DMD: variants seen among roughly 807,000 people sequenced by gnomAD.
The protein encoded by DMD is mutant dystrophin.
A neutral mutation model predicts 330.1 loss-of-function variants in DMD; 63 were observed. The observed-to-expected ratio is 0.19, with a 90% CI of 0.16 to 0.24. The LOEUF (loss-of-function observed/expected upper bound fraction) is 0.24. DMD is among the 10% of genes least tolerant of loss of function. DMD has a pLI of 1.00. For synonymous variants in DMD, 1,223 were observed against 959.8 expected, an observed-to-expected ratio of 1.27 and a Z score of -5.07; for missense variants, 3,344 against 2,684.1, an observed-to-expected ratio of 1.25 and a Z score of -5.43.
At chrX:31,184,097 T>TG (rs1348286003) in intron 67 of DMD, among the ~76,000 whole-genome samples, 1 of 110,647 alleles carries the variant, frequency 9.0e-6, no homozygotes. Flanking sequence ...TTAGTAGAGA[T>TG]GGGGTTTCAC....
intron 7 of DMD, among the ~76,000 whole-genome samples, chrX:32,731,703 T>A (rs762106171): frequency 8.9e-6 from 1 of 111,943 alleles, no homozygotes; most frequent in East Asian, 2.8e-4. Context: ...CTGAGGGTCC[T>A]GTCTGTTAGA....
chrX:32,717,675 G>T (rs1434745076), intron 7 of DMD, among the ~76,000 whole-genome samples: 3 of 110,854 alleles, frequency 2.7e-5, no homozygotes, highest in Non-Finnish European at 3.8e-5. Flanking sequence ...GCCTAGAATG[G>T]TCTCTCCAGT....
At chrX:32,905,609 T>C (rs941450063) in intron 2 of DMD, among the ~76,000 whole-genome samples, 1 of 111,742 alleles carries the variant, frequency 8.9e-6, no homozygotes, top group Non-Finnish European at 1.9e-5. Flanking sequence ...AATTGTTTGT[T>C]AGCCAGCTTA....
chrX:32,598,649 T>A (rs964273090), intron 12 of DMD, among the ~76,000 whole-genome samples: 3 of 112,290 alleles, frequency 2.7e-5, no homozygotes, highest in African/African-American at 9.7e-5. Flanking sequence ...ATGGAATGAA[T>A]CCAACTCTTA....
chrX:32,791,933 A>T (rs1280284637), intron 7 of DMD, among the ~76,000 whole-genome samples: 2 of 111,953 alleles, frequency 1.8e-5, no homozygotes, highest in Non-Finnish European at 3.8e-5. Flanking sequence ...TCCATGACAC[A>T]TTATAGCCAA....
chrX:32,554,564 C>A (rs1189529004), intron 16 of DMD, among the ~76,000 whole-genome samples: 1 of 109,072 alleles, frequency 9.2e-6, no homozygotes, highest in Non-Finnish European at 1.9e-5. Context: ...TAAGACTGAA[C>A]CATAAAGGAA....
At chrX:32,653,231 C>G (rs746219839) in intron 9 of DMD, among the ~76,000 whole-genome samples, 1 of 111,994 alleles carries the variant, frequency 8.9e-6, no homozygotes, top group South Asian at 3.7e-4. Flanking sequence ...GAAGTCCTTA[C>G]CCATGCCTAT....
chrX:32,541,523 G>T (rs769979389), intron 17 of DMD, among the ~76,000 whole-genome samples: 1 of 112,149 alleles, frequency 8.9e-6, no homozygotes, highest in South Asian at 3.7e-4. Flanking sequence ...ATTTGCCTGC[G>T]CTCATAAGCT....
intron 9 of DMD, among the ~76,000 whole-genome samples, chrX:32,650,610 G>C (rs757296771): frequency 5.4e-5 from 6 of 111,915 alleles, no homozygotes; most frequent in Non-Finnish European, 9.4e-5. Context: ...ACTATTCAAA[G>C]CATAAAAATG....
chrX:32,810,198 G>A (rs2077271878), intron 6 of DMD, among the ~76,000 whole-genome samples: 1 of 110,970 alleles, frequency 9.0e-6, no homozygotes, highest in East Asian at 2.8e-4. Flanking sequence ...TAAAGATGTG[G>A]GGAAAAAAGA....
At chrX:31,562,180 C>A (rs926086563) in intron 55 of DMD, among the ~76,000 whole-genome samples, 1 of 112,068 alleles carries the variant, frequency 8.9e-6, no homozygotes, top group Non-Finnish European at 1.9e-5. Context: ...CTGGGATGCC[C>A]AAATAATTCC....
intron 2 of DMD, among the ~76,000 whole-genome samples, chrX:32,893,121 T>G (rs752953927): frequency 1.8e-5 from 2 of 112,328 alleles, no homozygotes; most frequent in African/African-American, 6.5e-5. Context: ...AATAGTTCAA[T>G]TATTCATAAA....
chrX:31,477,376 T>C (rs1002556750), intron 59 of DMD, among the ~76,000 whole-genome samples: 1 of 111,748 alleles, frequency 8.9e-6, no homozygotes, highest in Non-Finnish European at 1.9e-5. Context: ...ACATGCTGAG[T>C]GCATGAGGGA....
chrX:33,006,332 C>A (rs993417765), intron 2 of DMD, among the ~76,000 whole-genome samples: 1 of 111,664 alleles, frequency 9.0e-6, no homozygotes, highest in South Asian at 3.7e-4. Context: ...CTGACACTAT[C>A]TGACTACAAG....
Position 32,346,928 on chromosome X carries a change from T to C in DMD, c.5449-848A>G, listed in dbSNP as rs370252471. Among the ~76,000 whole-genome samples, 6 of 112,046 alleles carry C rather than the reference T, an allele frequency of 5.4e-5. No homozygotes were observed. In the South Asian group the frequency reaches 2.2e-3, roughly 41 times the overall value. ...CAGAATGTGAAAACTTTGTATCAAG[T>C]AGTCTCACATTGTAATGGTACTCAA... On this transcript the variant is annotated intron_variant, in intron 38 of 78. Coordinates refer to ENST00000357033, the MANE Select transcript of DMD (RefSeq NM_004006.3).
chrX:32,955,517 G>A (rs1436949925), intron 2 of DMD, among the ~76,000 whole-genome samples: 2 of 110,995 alleles, frequency 1.8e-5, no homozygotes, highest in Admixed American at 1.9e-4. Flanking sequence ...AGTTTCCTTT[G>A]CTGTGCAGAA....
chrX:31,851,815 C>A (rs1319757603), intron 48 of DMD, among the ~76,000 whole-genome samples: 1 of 111,181 alleles, frequency 9.0e-6, no homozygotes, highest in Non-Finnish European at 1.9e-5. Flanking sequence ...AGGTATGGGG[C>A]AAAGGGAGGT....
At chrX:32,281,599 C>T (rs1332402369) in intron 43 of DMD, among the ~76,000 whole-genome samples, 3 of 111,518 alleles carry the variant, frequency 2.7e-5, no homozygotes, top group Admixed American at 9.5e-5. Flanking sequence ...AATCACAACT[C>T]ACAAAGGTAA....
chrX:32,329,376 C>T (rs1242903563), intron 41 of DMD, among the ~76,000 whole-genome samples: 1 of 111,581 alleles, frequency 9.0e-6, no homozygotes, highest in Admixed American at 9.5e-5. Context: ...AAGGAAATAT[C>T]CAGAAATAGA....
Sources: allele counts gnomAD v4.1 joint callset (sites outside exome capture counted in the v4.1 genomes callset), GRCh38; gene constraint gnomAD v4.1.1; transcripts MANE v1.5; gene names NCBI Gene and HGNC (gene_info 2026-07-23, HGNC 2026-07-21).